GRM1: variants seen among roughly 807,000 people sequenced by gnomAD.
The protein encoded by GRM1 is glutamate metabotropic receptor 1, also known as metabotropic glutamate receptor 1.
Under a neutral mutation model 90.9 loss-of-function variants are expected in GRM1, and 33 were observed. That is an observed-to-expected ratio of 0.36 (90% CI 0.28 to 0.49). The LOEUF (loss-of-function observed/expected upper bound fraction) is 0.49, where lower values mean the gene tolerates loss of function less well. GRM1 is among the 20% of genes least tolerant of loss of function. The pLI, the probability that GRM1 is intolerant of heterozygous loss-of-function variation, is 0.99. For synonymous variants in GRM1, 700 were observed against 613.2 expected, an observed-to-expected ratio of 1.14 and a Z score of -2.09; for missense variants, 1,190 against 1,534.3, an observed-to-expected ratio of 0.78 and a Z score of 3.75.
chr6:146,305,065 T>TA (rs1783526609), intron 3 of GRM1, among the ~76,000 whole-genome samples: 1 of 150,308 alleles, frequency 6.7e-6, no homozygotes, highest in Non-Finnish European at 1.5e-5. Context: ...GAGCAAGTGA[T>TA]ACGAGATAAC....
rs534641843 is a variant in GRM1 at position 146,383,941 on chromosome 6, A to G, written c.1603-2949A>G. ...CAACTGTGTTCAGACATTGGAAAAC[A>G]GTACATGACCTTGAGTTCATGGAAG... On this transcript the variant is annotated intron_variant, in intron 5 of 7. Transcript: ENST00000282753. Among the ~76,000 whole-genome samples the G allele has an allele frequency of 1.6e-3, 241 of 152,266 alleles. 2 individuals carry two copies. Among genetic ancestry groups the G allele is most frequent in the African/African-American group, 5.6e-3 (232 of 41,572 alleles).
chr6:146,334,779 G>A (rs935371007), intron 3 of GRM1, among the ~76,000 whole-genome samples: 1 of 152,112 alleles, frequency 6.6e-6, no homozygotes, highest in Non-Finnish European at 1.5e-5. Context: ...ATCATCATTT[G>A]CATCTTCATA....
At chr6:146,404,486 T>G (rs962368851) in intron 7 of GRM1, among the ~76,000 whole-genome samples, 1 of 152,150 alleles carries the variant, frequency 6.6e-6, no homozygotes, top group African/African-American at 2.4e-5. Flanking sequence ...TAAGTCCAGT[T>G]AATGGAGTAG....
chr6:146,325,759 C>G (rs922899645), intron 3 of GRM1, among the ~76,000 whole-genome samples: 1 of 152,104 alleles, frequency 6.6e-6, no homozygotes, highest in Non-Finnish European at 1.5e-5. Context: ...TAATTTATAT[C>G]TTTTTATATA....
chr6:146,397,638 T>C, intron 6 of GRM1, among the ~76,000 whole-genome samples: 1 of 152,100 alleles, frequency 6.6e-6, no homozygotes, highest in East Asian at 1.9e-4. Flanking sequence ...TTGAAAACCT[T>C]GCAGCTTCTG....
intron 7 of GRM1, among the ~76,000 whole-genome samples, chr6:146,420,054 C>T (rs2114655530): frequency 6.6e-6 from 1 of 152,300 alleles, no homozygotes; most frequent in South Asian, 2.1e-4. Flanking sequence ...CAGCTTCTCC[C>T]TCAACACATT....
intron 2 of GRM1, among the ~76,000 whole-genome samples, chr6:146,227,954 C>G (rs1419426315): frequency 6.6e-6 from 1 of 152,138 alleles, no homozygotes; most frequent in Non-Finnish European, 1.5e-5. Flanking sequence ...ATCTGCACTT[C>G]TTAGAGATTT....
At chr6:146,227,547 A>G (rs1324803701) in intron 2 of GRM1, among the ~76,000 whole-genome samples, 1 of 152,182 alleles carries the variant, frequency 6.6e-6, no homozygotes, top group South Asian at 2.1e-4. Flanking sequence ...ACAAATAGGA[A>G]CTAAGAAATC....
intron 3 of GRM1, among the ~76,000 whole-genome samples, chr6:146,341,973 T>A (rs1263789614): frequency 6.6e-6 from 1 of 152,312 alleles, no homozygotes; most frequent in Admixed American, 6.5e-5. Context: ...TAAGTTAACC[T>A]TTTTTGTGTA....
At chr6:146,154,155 G>T (rs1018282977) in intron 1 of GRM1, among the ~76,000 whole-genome samples, 8 of 152,172 alleles carry the variant, frequency 5.3e-5, no homozygotes, top group African/African-American at 1.9e-4. Flanking sequence ...TAACCTGCAT[G>T]TGTTTTCAAA....
chr6:146,137,867 C>T (rs1776684051), intron 1 of GRM1, among the ~76,000 whole-genome samples: 1 of 152,070 alleles, frequency 6.6e-6, no homozygotes, highest in Non-Finnish European at 1.5e-5. Flanking sequence ...ACAGATTTTT[C>T]ACTTCTTCGG....
intron 2 of GRM1, among the ~76,000 whole-genome samples, chr6:146,266,271 C>A (rs1024945717): frequency 4.6e-5 from 7 of 151,900 alleles, no homozygotes; most frequent in Admixed American, 2.6e-4. Context: ...ATGAAATGAG[C>A]AAATAATATT....
chr6:146,176,127 T>C (rs1181709828), intron 2 of GRM1, among the ~76,000 whole-genome samples: 1 of 152,098 alleles, frequency 6.6e-6, no homozygotes. Context: ...TTCAGTTAAT[T>C]CTTAATATCA....
chr6:146,305,576 G>A (rs141702984), intron 3 of GRM1, among the ~76,000 whole-genome samples: 4 of 152,130 alleles, frequency 2.6e-5, no homozygotes, highest in African/African-American at 9.7e-5. Flanking sequence ...ATGCTGCCAA[G>A]ATAAATCATC....
chr6:146,329,080 G>A (rs944274493), intron 3 of GRM1, among the ~76,000 whole-genome samples: 18 of 152,122 alleles, frequency 1.2e-4, no homozygotes, highest in African/African-American at 4.3e-4. Context: ...ATCTCCTCCT[G>A]AGGAGTCTCT....
intron 1 of GRM1, among the ~76,000 whole-genome samples, chr6:146,128,519 A>T (rs1360322501): frequency 6.6e-6 from 1 of 152,068 alleles, no homozygotes; most frequent in Non-Finnish European, 1.5e-5. Context: ...TGAGATTTGA[A>T]CCCATGGCTC....
chr6:146,254,753 T>C (rs962185869), intron 2 of GRM1, among the ~76,000 whole-genome samples: 3 of 152,226 alleles, frequency 2.0e-5, no homozygotes, highest in African/African-American at 7.2e-5. Context: ...GAACACATTT[T>C]GTTATAATGT....
Position 146,117,752 on chromosome 6 carries a change from A to G in GRM1, c.701-41596A>G, listed in dbSNP as rs1202210100. Reference sequence around the variant, plus strand: ...AAGCTCAATATCTATAGCCTTTATAAGACCCCCCCATTTGCACATGTACAA... The same window carrying G: ...AAGCTCAATATCTATAGCCTTTATAGGACCCCCCCATTTGCACATGTACAA... On this transcript the variant is annotated intron_variant, in intron 1 of 7. Transcript: ENST00000282753. 3.3e-5 allele frequency among the ~76,000 whole-genome samples: 5 copies of G among 152,100 alleles called. 1 individual carries two copies. The highest frequency in any genetic ancestry group is 3.3e-4 in the Admixed American group (5 of 15,272).
intron 5 of GRM1, among the ~76,000 whole-genome samples, chr6:146,364,127 C>A (rs1775591822): frequency 6.6e-6 from 1 of 152,314 alleles, no homozygotes; most frequent in Non-Finnish European, 1.5e-5. Context: ...TCAATTTTTC[C>A]ATCTGCAATT....
Sources: allele counts gnomAD v4.1 joint callset (sites outside exome capture counted in the v4.1 genomes callset), GRCh38; gene constraint gnomAD v4.1.1; transcripts MANE v1.5; gene names NCBI Gene and HGNC (gene_info 2026-07-23, HGNC 2026-07-21).